FMN2: variants seen among roughly 807,000 people sequenced by gnomAD.
The protein encoded by FMN2 is formin 2, also known as formin-2.
In FMN2, 51 loss-of-function variants were observed where a neutral mutation model predicts 142.3. The ratio of observed to expected loss-of-function variants is 0.36; its 90% confidence interval spans 0.29 to 0.45. The LOEUF (loss-of-function observed/expected upper bound fraction) is 0.45, where lower values mean the gene tolerates loss of function less well. Among genes scored for constraint, FMN2 ranks in the 20% least tolerant of loss-of-function variants. FMN2 has a pLI of 1.00. For synonymous variants in FMN2, 882 were observed against 869.8 expected (o/e 1.01, Z -0.25); for missense variants, 1,936 against 2,122.8 (o/e 0.91, Z 1.73).
intron 2 of FMN2, among the ~76,000 whole-genome samples, chr1:240,165,157 T>G (rs1309821698): frequency 6.6e-6 from 1 of 152,140 alleles, no homozygotes; most frequent in Non-Finnish European, 1.5e-5. Context: ...TTATTTCTAG[T>G]TATCTGTTGG....
intron 13 of FMN2, 50 bp downstream of exon 13, chr1:240,334,279 G>C (rs1231965756): frequency 2.0e-6 from 3 of 1,509,730 alleles, no homozygotes; most frequent in Non-Finnish European, 2.6e-6. Flanking sequence ...TTTTTAATGA[G>C]AGAAGGCAGA....
At chr1:240,407,710 C>T (rs993696694) in intron 15 of FMN2, among the ~76,000 whole-genome samples, 11 of 152,214 alleles carry the variant, frequency 7.2e-5, no homozygotes, top group Admixed American at 6.5e-4. Flanking sequence ...TTTCAAACAG[C>T]AATTTATTTC....
intron 4 of FMN2, among the ~76,000 whole-genome samples, chr1:240,194,796 C>T (rs376239322): frequency 7.9e-5 from 12 of 152,332 alleles, no homozygotes; most frequent in African/African-American, 2.6e-4. Flanking sequence ...CAGGCCAAGG[C>T]TAAGGCCTAG....
intron 6 of FMN2, among the ~76,000 whole-genome samples, chr1:240,254,826 C>G (rs963666712): frequency 2.0e-5 from 3 of 152,102 alleles, no homozygotes; most frequent in African/African-American, 7.2e-5. Flanking sequence ...ATCAGGGGAG[C>G]CCCGGGGATG....
Position 240,144,011 on chromosome 1 carries a change from C to T in FMN2, c.1782+20666C>T, listed in dbSNP as rs889295916. ...TCCCAGAGCAGGGACACACTCATTC[C>T]AGACCCCAGAGTTCACTATGCCACA... On this transcript the variant is annotated intron_variant, in intron 2 of 17. Transcript: ENST00000319653. 2.5e-6 allele frequency: 3 copies of T among 1,191,794 alleles called. No homozygotes were observed. The African/African-American group carries it at 4.5e-5, about 18-fold the overall frequency. 73.8% of individuals were successfully genotyped at this position (1,191,794 alleles called of 1,614,324 possible).
At chr1:240,120,604 A>G (rs771390445) in intron 1 of FMN2, among the ~76,000 whole-genome samples, 2 of 152,210 alleles carry the variant, frequency 1.3e-5, no homozygotes, top group Non-Finnish European at 2.9e-5. Flanking sequence ...TATGTCAGTG[A>G]GGAAGGTCAA....
chr1:240,301,294 T>C (rs2102972766), intron 8 of FMN2, among the ~76,000 whole-genome samples: 1 of 152,046 alleles, frequency 6.6e-6, no homozygotes, highest in South Asian at 2.1e-4. Flanking sequence ...TATAGAAACC[T>C]TGACTCCATA....
At position 240,123,346 on chromosome 1, in the gene FMN2, G is replaced by GT. The variant is rs772637460; in HGVS notation, c.1782+2dup. 1.9e-6 allele frequency: 3 copies of GT among 1,612,310 alleles called. No individual in the cohort carries two copies. Among genetic ancestry groups the GT allele is most frequent in the African/African-American group, 1.3e-5 (1 of 74,834 alleles). On this transcript the variant is annotated splice_donor_variant, in intron 2 of 17. Coordinates refer to ENST00000319653, the MANE Select transcript of FMN2 (RefSeq NM_020066.5). LOFTEE classifies it high-confidence loss of function. ...CCAGACGAATGCAGCTTCGTTTGAT[G>GT]TAAGTAGGAGAATTCACTTCTGTCC... is the stretch of plus-strand genomic sequence containing the variant.
At chr1:240,375,419 A>T (rs1251473560) in intron 14 of FMN2, among the ~76,000 whole-genome samples, 1 of 152,238 alleles carries the variant, frequency 6.6e-6, no homozygotes, top group African/African-American at 2.4e-5. Context: ...AAAGCAAAGC[A>T]CAATAAAAGC....
At chr1:240,436,032 GTT>G (rs1461940212) in intron 15 of FMN2, among the ~76,000 whole-genome samples, 8 of 152,130 alleles carry the variant, frequency 5.3e-5, no homozygotes, top group Non-Finnish European at 4.4e-5. Context: ...GCATGTATGT[GTT>G]TATGTTATCA....
At chr1:240,128,263 G>C (rs1167314312) in intron 2 of FMN2, among the ~76,000 whole-genome samples, 1 of 152,094 alleles carries the variant, frequency 6.6e-6, no homozygotes, top group East Asian at 1.9e-4. Context: ...TTCCAAATGA[G>C]ATCCCTTTTT....
intron 16 of FMN2, among the ~76,000 whole-genome samples, chr1:240,448,026 A>C (rs2103201663): frequency 6.6e-6 from 1 of 152,264 alleles, no homozygotes; most frequent in South Asian, 2.1e-4. Context: ...GTTTTGAAAA[A>C]TCTAACATCG....
chr1:240,133,689 A>G (rs566361466), intron 2 of FMN2, among the ~76,000 whole-genome samples: 2 of 152,176 alleles, frequency 1.3e-5, no homozygotes, highest in African/African-American at 4.8e-5. Context: ...GCTCCCCACT[A>G]TTATTTCCCA....
intron 2 of FMN2, chr1:240,144,757 G>C: frequency 8.0e-7 from 1 of 1,242,896 alleles, no homozygotes. Flanking sequence ...TTTCCATAAG[G>C]TCACAGGCCT....
chr1:240,394,421 A>G (rs1673704992), intron 15 of FMN2, among the ~76,000 whole-genome samples: 1 of 152,180 alleles, frequency 6.6e-6, no homozygotes, highest in Non-Finnish European at 1.5e-5. Flanking sequence ...AGGTGAGGAA[A>G]CTGGAGAGGA....
chr1:240,262,761 T>G (rs1300363270), intron 7 of FMN2, among the ~76,000 whole-genome samples: 1 of 141,938 alleles, frequency 7.0e-6, no homozygotes, highest in African/African-American at 2.6e-5. Flanking sequence ...AACTTTTACT[T>G]TTTTTTTTTT....
intron 4 of FMN2, among the ~76,000 whole-genome samples, chr1:240,202,499 G>T (rs1163457369): frequency 2.0e-5 from 3 of 151,956 alleles, no homozygotes; most frequent in Admixed American, 2.0e-4. Context: ...TATTACTATT[G>T]TTGTTTTTTA....
At chr1:240,107,463 G>A (rs1417523526) in intron 1 of FMN2, among the ~76,000 whole-genome samples, 1 of 151,832 alleles carries the variant, frequency 6.6e-6, no homozygotes. Context: ...TCACTTTTAT[G>A]GATTTAACTT....
At chr1:240,355,790 C>T in intron 13 of FMN2, 26 bp from the exon 14 acceptor site, 1 of 1,553,946 alleles carries the variant, frequency 6.4e-7, no homozygotes, top group Non-Finnish European at 8.8e-7. Flanking sequence ...GTGTGACACT[C>T]TAAATAATGT....
Sources: allele counts gnomAD v4.1 joint callset (sites outside exome capture counted in the v4.1 genomes callset), GRCh38; gene constraint gnomAD v4.1.1; transcripts MANE v1.5; gene names NCBI Gene and HGNC (gene_info 2026-07-23, HGNC 2026-07-21).